Variants in EPS15L1 observed in about 807,000 individuals in gnomAD.
The protein encoded by EPS15L1 is epidermal growth factor receptor pathway substrate 15 like 1.
In EPS15L1, 43 loss-of-function variants were observed where a neutral mutation model predicts 117.1. The ratio of observed to expected loss-of-function variants is 0.37; its 90% confidence interval spans 0.29 to 0.47. EPS15L1 has a LOEUF of 0.47. EPS15L1 is among the 20% of genes least tolerant of loss of function. The pLI is 0.99. For synonymous variants in EPS15L1, 459 were observed against 470.5 expected, an observed-to-expected ratio of 0.98 and a Z score of 0.32; for missense variants, 981 against 1,164.0, an observed-to-expected ratio of 0.84 and a Z score of 2.29.
chr19:16,388,193 C>T (rs775185162), intron 19 of EPS15L1, among the ~76,000 whole-genome samples: 1 of 152,136 alleles, frequency 6.6e-6, no homozygotes, highest in Non-Finnish European at 1.5e-5. Flanking sequence ...CAAGTGTGCA[C>T]CACCACGCCT....
chr19:16,395,187 C>T lies in EPS15L1; in HGVS notation c.1915+157G>A, dbSNP rs369934760. ...TCCAGCCTGGCTGACAGCAAGAGAG[C>T]GAGAGTTCGTCTCCAAAAAAAAAAA... On this transcript the variant is annotated intron_variant, in intron 17 of 23. Transcript: ENST00000455140. Among the ~76,000 whole-genome samples, 6 of 139,564 alleles carry T rather than the reference C, an allele frequency of 4.3e-5. No individual in the cohort carries two copies. The South Asian group carries it at 6.7e-4, about 16-fold the overall frequency. The allele number at this position is 139,564 out of a possible 152,430, so 91.6% of individuals were successfully genotyped here.
chr19:16,438,591 G>A (rs1047993855), intron 4 of EPS15L1, among the ~76,000 whole-genome samples: 5 of 152,206 alleles, frequency 3.3e-5, no homozygotes, highest in Admixed American at 2.0e-4. Context: ...GTGCAGTGGC[G>A]CAATCACAGC....
intron 15 of EPS15L1, 138 bp from the exon 16 acceptor site, chr19:16,402,623 C>T: frequency 1.3e-6 from 1 of 768,490 alleles, no homozygotes; most frequent in Non-Finnish European, 1.9e-6. Flanking sequence ...CTCACTGTAG[C>T]CTTGAGCTCC....
intron 15 of EPS15L1, 64 bp from the exon 16 acceptor site, chr19:16,402,549 T>C: frequency 1.4e-6 from 2 of 1,461,800 alleles, no homozygotes; most frequent in African/African-American, 1.4e-5. Flanking sequence ...AAAGACGCTT[T>C]TTTTTTTTAA....
chr19:16,469,298 G>A (rs998825810), intron 1 of EPS15L1, among the ~76,000 whole-genome samples: 9 of 152,152 alleles, frequency 5.9e-5, no homozygotes, highest in Non-Finnish European at 1.3e-4. Flanking sequence ...AGACTGAAAG[G>A]AGAGAGGATG....
At chr19:16,376,396 C>T (rs1034017710) in intron 22 of EPS15L1, among the ~76,000 whole-genome samples, 1 of 152,184 alleles carries the variant, frequency 6.6e-6, no homozygotes, top group Non-Finnish European at 1.5e-5. Flanking sequence ...CGAGAGAAAT[C>T]CCACGTGTGA....
At position 16,355,611 on chromosome 19, in the gene EPS15L1, G is replaced by A. The variant is rs563902263; in HGVS notation, c.*94C>T. The stretch of plus-strand genomic sequence containing the variant: ...CCCCGAGTCCCGGTCCTTGGAGTAC[G>A]GTGGCGACGGTGTGTGTGTGTATAT... On this transcript the variant is annotated 3_prime_UTR_variant, in exon 24 of 24. Transcript: ENST00000455140. 1.9e-5 allele frequency: 27 copies of A among 1,407,452 alleles called. No individual in the cohort carries two copies. In the East Asian group the frequency reaches 2.0e-4, roughly 11 times the overall value. The allele number at this position is 1,407,452 out of a possible 1,614,324, so 87.2% of individuals were successfully genotyped here. A position where few individuals can be genotyped will look rare whatever the true frequency, so the allele number is the denominator to read the frequency against.
intron 21 of EPS15L1, among the ~76,000 whole-genome samples, chr19:16,382,126 C>T (rs572348577): frequency 3.5e-4 from 54 of 152,330 alleles, no homozygotes; most frequent in Admixed American, 5.9e-4. Context: ...CGGGCCAAGC[C>T]GGCTTGGCGC....
chr19:16,359,440 G>A (rs1007500973), intron 23 of EPS15L1, among the ~76,000 whole-genome samples: 3 of 152,058 alleles, frequency 2.0e-5, no homozygotes, highest in Non-Finnish European at 4.4e-5. Flanking sequence ...ACGACCCAAG[G>A]GGACAAACAA....
intron 16 of EPS15L1, among the ~76,000 whole-genome samples, chr19:16,397,419 A>AT (rs551091082): frequency 3.3e-5 from 5 of 151,758 alleles, no homozygotes; most frequent in East Asian, 3.9e-4. Flanking sequence ...AAGTTAAACA[A>AT]TTTTTTTTTA....
rs376803810 is a variant in EPS15L1, at chr19:16,452,940, G to A, written c.34-10721C>T. Among the ~76,000 whole-genome samples the A allele has an allele frequency of 3.9e-5, 6 of 152,104 alleles. No homozygotes were observed. The East Asian group carries it at 7.7e-4, about 20-fold the overall frequency. On this transcript the variant is annotated intron_variant, in intron 1 of 23. Coordinates refer to ENST00000455140, the MANE Select transcript of EPS15L1 (RefSeq NM_001258374.3). ...GCCTCCCGAATAGCTAGGACTACAG[G>A]TGCCCACCACCATGCCCAGCTAATT... is the stretch of plus-strand genomic sequence containing the variant.
intron 16 of EPS15L1, among the ~76,000 whole-genome samples, chr19:16,396,617 T>TA (rs1327604467): frequency 7.2e-5 from 11 of 152,054 alleles, no homozygotes; most frequent in Non-Finnish European, 1.3e-4. Context: ...AAAAGTTCAT[T>TA]AAAAAATCAT....
rs1478201907 is a variant in EPS15L1, at chr19:16,402,455, T to C, written c.1657A>G (p.Ser553Gly). ...AGGCTCCTGTGGGCCTCCTGGCGGC[T>C]TTCATGCAGCTGGGAAAGTTTGCTC... ...ARSKLSQLHE[S>G]RQEAHRSLEQ... Residue 553 changes from serine (S) to glycine (G), a missense_variant, in exon 16 of 24, where the codon AGC (serine) becomes GGC (glycine). Transcript: ENST00000455140. The C allele has an allele frequency of 2.5e-6, 4 of 1,609,464 alleles. No homozygotes were observed. Among genetic ancestry groups the C allele is most frequent in the Non-Finnish European group, 3.4e-6 (4 of 1,177,954 alleles).
chr19:16,372,579 G>C (rs1423115525), intron 22 of EPS15L1, among the ~76,000 whole-genome samples: 2 of 152,154 alleles, frequency 1.3e-5, no homozygotes, highest in Admixed American at 6.5e-5. Context: ...GGGAGAAAAG[G>C]GCCCAATTAA....
chr19:16,406,387 CAT>C (rs2092656688), intron 13 of EPS15L1, among the ~76,000 whole-genome samples: 2 of 152,288 alleles, frequency 1.3e-5, no homozygotes, highest in East Asian at 1.9e-4. Flanking sequence ...ATGCTGGAAA[CAT>C]AAAGTCAGGC....
chr19:16,435,224 T>A (rs2092967798), intron 6 of EPS15L1: 1 of 152,248 alleles, frequency 6.6e-6, no homozygotes, highest in African/African-American at 2.4e-5. Flanking sequence ...AGTGCTGGGA[T>A]TACAGGTGTG....
chr19:16,361,946 A>G lies in EPS15L1; in HGVS notation c.2419T>C (p.Phe807Leu). The G allele has an allele frequency of 6.2e-7, 1 of 1,613,734 alleles. No individual in the cohort carries two copies. The highest frequency in any genetic ancestry group is 8.5e-7 in the Non-Finnish European group (1 of 1,179,872). The change falls in exon 23 of 24, where the codon TTT becomes CTT. Residue 807 changes from phenylalanine (F) to leucine (L), a missense_variant. Transcript: ENST00000455140. Reference sequence around the variant, plus strand: ...TGGAATGGATCGGGGGCCTCGGGAAAGTCTGCGGAACCAAGCTGGCTTACA... The same window carrying G: ...TGGAATGGATCGGGGGCCTCGGGAAGGTCTGCGGAACCAAGCTGGCTTACA... ...TPVSQLGSADFPEAPDPFQPL... is the reference protein window; with the variant it reads ...TPVSQLGSADLPEAPDPFQPL...
In EPS15L1 at chr19:16,355,604, G is replaced by T; in HGVS notation, c.*101C>A. ...AACAAGCCCCCGAGTCCCGGTCCTT[G>T]GAGTACGGTGGCGACGGTGTGTGTG... On this transcript the variant is annotated 3_prime_UTR_variant, in exon 24 of 24. Coordinates refer to ENST00000455140, the MANE Select transcript of EPS15L1 (RefSeq NM_001258374.3). The T allele has an allele frequency of 7.2e-7, 1 of 1,389,754 alleles. No homozygotes were observed. The highest frequency in any genetic ancestry group is 9.6e-7 in the Non-Finnish European group (1 of 1,040,450). The allele number at this position is 1,389,754 out of a possible 1,614,324, so 86.1% of individuals were successfully genotyped here. A position where few individuals can be genotyped will look rare whatever the true frequency, so the allele number is the denominator to read the frequency against.
At chr19:16,465,189 G>C (rs2093293140) in intron 1 of EPS15L1, among the ~76,000 whole-genome samples, 1 of 152,126 alleles carries the variant, frequency 6.6e-6, no homozygotes, top group Non-Finnish European at 1.5e-5. Flanking sequence ...CCATGGGTTG[G>C]ACAAGCTTGG....
Sources: allele counts gnomAD v4.1 joint callset (sites outside exome capture counted in the v4.1 genomes callset), GRCh38; gene constraint gnomAD v4.1.1; transcripts MANE v1.5; gene names NCBI Gene and HGNC (gene_info 2026-07-23, HGNC 2026-07-21).